Variants in UQCRC1 observed in about 807,000 individuals in gnomAD.
The protein encoded by UQCRC1 is cytochrome b-c1 complex subunit 1, mitochondrial.
A neutral mutation model predicts 58.0 loss-of-function variants in UQCRC1; 34 were observed. That is an observed-to-expected ratio of 0.59 (90% confidence interval 0.45 to 0.78). UQCRC1 has a LOEUF of 0.78. Among genes scored for constraint, UQCRC1 ranks in the 30% least tolerant of loss-of-function variants. The pLI is 0.00. For synonymous variants in UQCRC1, 276 were observed against 248.8 expected (o/e 1.11, Z -1.03); for missense variants, 610 against 646.0 (o/e 0.94, Z 0.60).
chr3:48,607,166 C>T (rs999750948), intron 2 of UQCRC1, among the ~76,000 whole-genome samples: 8 of 152,132 alleles, frequency 5.3e-5, no homozygotes, highest in Non-Finnish European at 1.0e-4. Context: ...CTCAGCCTCC[C>T]GAGTAGCTGG....
At chr3:48,601,303 TC>T in intron 7 of UQCRC1, 48 bp downstream of exon 7, 1 of 1,601,160 alleles carries the variant, frequency 6.2e-7, no homozygotes, top group Non-Finnish European at 8.5e-7. Context: ...ATGGGGGTCC[TC>T]CCACAGGCCC....
chr3:48,605,823 C>G lies in UQCRC1; in HGVS notation c.244G>C (p.Glu82Gln). ...CCTGCCCCATTATTCTTCTCAGTCT[C>G]AAAACGGCTGCCAACATCAATCCAC... ...GVWIDVGSRFETEKNNGAGYF... is the reference protein window; with the variant it reads ...GVWIDVGSRFQTEKNNGAGYF... The change falls in exon 3 of 13, where the codon GAG (glutamate) becomes CAG (glutamine). Residue 82 changes from glutamate (E) to glutamine (Q), a missense_variant. By Grantham distance (29) the Glu-to-Gln change is conservative. Coordinates refer to ENST00000203407, the MANE Select transcript of UQCRC1 (RefSeq NM_003365.3). 1 of 1,613,934 alleles carries G rather than the reference C, an allele frequency of 6.2e-7. No homozygotes were observed. Among genetic ancestry groups the G allele is most frequent in the Non-Finnish European group, 8.5e-7 (1 of 1,179,944 alleles).
intron 5 of UQCRC1, 67 bp from the exon 6 acceptor site, chr3:48,603,710 A>T (rs2046386515): frequency 6.9e-7 from 1 of 1,448,172 alleles, no homozygotes; most frequent in Non-Finnish European, 9.6e-7. Context: ...TACATGCATG[A>T]ATGGGACTGA....
chr3:48,605,980 G>A lies in UQCRC1; in HGVS notation c.211-124C>T, dbSNP rs1416544420. ...CTTATGAATCCTGGAGTCAGGGAGA[G>A]CTGCCCCAGCAGGACCCCTGTGCTT... On this transcript the variant is annotated intron_variant, in intron 2 of 12. Coordinates refer to ENST00000203407, the MANE Select transcript of UQCRC1 (RefSeq NM_003365.3). The A allele has an allele frequency of 4.4e-6, 4 of 899,762 alleles. No individual in the cohort carries two copies. The East Asian group carries it at 1.1e-4, about 25-fold the overall frequency. The allele number at this position is 899,762 out of a possible 1,614,324, so 55.7% of individuals were successfully genotyped here.
chr3:48,606,390 C>T (rs1390159704), intron 2 of UQCRC1, among the ~76,000 whole-genome samples: 1 of 152,148 alleles, frequency 6.6e-6, no homozygotes. Flanking sequence ...GAACACCAAA[C>T]AGTGTTGCCT....
intron 6 of UQCRC1, among the ~76,000 whole-genome samples, chr3:48,601,811 C>T (rs777751531): frequency 6.6e-6 from 1 of 152,212 alleles, no homozygotes; most frequent in Non-Finnish European, 1.5e-5. Context: ...GGGCACAAAG[C>T]CACCTGGCCT....
intron 11 of UQCRC1, 92 bp from the exon 12 acceptor site, chr3:48,599,802 A>G: frequency 7.3e-7 from 1 of 1,367,180 alleles, no homozygotes; most frequent in Non-Finnish European, 1.0e-6. Context: ...GATCTCCCAC[A>G]GGCAGCATGC....
At position 48,599,149 on chromosome 3, in the gene UQCRC1, G is replaced by A; in HGVS notation, c.1422C>T (p.Gly474=). The A allele has an allele frequency of 3.1e-6, 5 of 1,612,162 alleles. No homozygotes were observed. Among genetic ancestry groups the A allele is most frequent in the Non-Finnish European group, 4.2e-6 (5 of 1,178,860 alleles). ...QLPDYNRIRS[G]MFWLRF Reference sequence around the variant, plus strand: ...CCGCCTAGAAGCGCAGCCAGAACATGCCGCTACGGATCCGGTTGTAGTCTG... The same window carrying A: ...CCGCCTAGAAGCGCAGCCAGAACATACCGCTACGGATCCGGTTGTAGTCTG... Residue 474 remains glycine (G), a synonymous_variant, in exon 13 of 13, where the codon GGC becomes GGT. Transcript: ENST00000203407.
intron 5 of UQCRC1, chr3:48,603,993 C>T (rs762176959): frequency 2.4e-5 from 14 of 594,268 alleles, no homozygotes; most frequent in African/African-American, 9.3e-5. Context: ...CCAGACACTT[C>T]GCCCTTGGAC....
intron 2 of UQCRC1, among the ~76,000 whole-genome samples, chr3:48,608,208 A>G (rs912475454): frequency 3.9e-5 from 6 of 152,168 alleles, no homozygotes; most frequent in African/African-American, 1.4e-4. Context: ...GTATGTACGT[A>G]TTTTTTAGCT....
chr3:48,600,920 C>A, intron 8 of UQCRC1, 55 bp downstream of exon 8: 5 of 1,604,584 alleles, frequency 3.1e-6, no homozygotes, highest in Non-Finnish European at 4.3e-6. Context: ...GAGCACACAG[C>A]CCCAGCACCC....
chr3:48,601,964 T>C (rs908482513), intron 6 of UQCRC1, among the ~76,000 whole-genome samples: 2 of 152,012 alleles, frequency 1.3e-5, no homozygotes, highest in African/African-American at 2.4e-5. Context: ...TTGCAAATAA[T>C]GTTACAAACG....
chr3:48,600,618 C>T (rs781777425), intron 9 of UQCRC1, 51 bp from the exon 10 acceptor site: 2 of 1,614,116 alleles, frequency 1.2e-6, no homozygotes, highest in Middle Eastern at 1.6e-4. Flanking sequence ...TGTCATCTCT[C>T]AGCCTCCCAC....
intron 1 of UQCRC1, 61 bp from the exon 2 acceptor site, chr3:48,609,363 G>A (rs1014150984): frequency 1.9e-6 from 3 of 1,564,334 alleles, no homozygotes; most frequent in South Asian, 1.1e-5. Context: ...CACCTCCCAG[G>A]TCCTCAGGAG....
At chr3:48,602,120 A>G (rs1233331808) in intron 6 of UQCRC1, among the ~76,000 whole-genome samples, 1 of 148,358 alleles carries the variant, frequency 6.7e-6, no homozygotes, top group Non-Finnish European at 1.5e-5. Flanking sequence ...GTGCAATCTC[A>G]GCTAACTGCA....
At chr3:48,609,095 C>A (rs1170409831) in intron 2 of UQCRC1, 67 bp downstream of exon 2, 5 of 1,553,286 alleles carry the variant, frequency 3.2e-6, no homozygotes, top group African/African-American at 1.4e-5. Flanking sequence ...CAAGGTCACA[C>A]CCCAACCAGG....
intron 6 of UQCRC1, among the ~76,000 whole-genome samples, chr3:48,602,183 T>C (rs1192210901): frequency 2.0e-5 from 3 of 152,014 alleles, no homozygotes; most frequent in Non-Finnish European, 1.5e-5. Context: ...CCCGAGTAGC[T>C]GGGACTATAG....
At position 48,604,699 on chromosome 3, in the gene UQCRC1, C is replaced by T. The variant is rs1559457097; in HGVS notation, c.379G>A (p.Glu127Lys). The T allele has an allele frequency of 6.2e-7, 1 of 1,614,192 alleles. No homozygotes were observed. Among genetic ancestry groups the T allele is most frequent in the East Asian group, 2.2e-5 (1 of 44,884 alleles). ...GCCTTGATGTAGTAAGCTGTGTGCT[C>T]CCGGGTGCTGTAGGCATTAAGATGG... ...GAHLNAYSTR[E>K]HTAYYIKALS... The change falls in exon 4 of 13, where the codon GAG becomes AAG. Residue 127 changes from glutamate to lysine, a missense_variant. Transcript: ENST00000203407.
intron 1 of UQCRC1, 70 bp downstream of exon 1, chr3:48,609,482 G>C (rs1442315804): frequency 1.3e-6 from 2 of 1,532,830 alleles, no homozygotes. Flanking sequence ...ACCTGCCACT[G>C]CTAACAGCCC....
Sources: allele counts gnomAD v4.1 joint callset (sites outside exome capture counted in the v4.1 genomes callset), GRCh38; gene constraint gnomAD v4.1.1; transcripts MANE v1.5; gene names NCBI Gene and HGNC (gene_info 2026-07-23, HGNC 2026-07-21).